Variants in INO80D observed in about 807,000 individuals in gnomAD.
The protein encoded by INO80D is INO80 complex subunit D.
INO80D carries 21 observed loss-of-function variants against 87.6 expected under a neutral mutation model. The ratio of observed to expected loss-of-function variants is 0.24; its 90% CI spans 0.17 to 0.35. The LOEUF (loss-of-function observed/expected upper bound fraction) is 0.35, where lower values mean the gene tolerates loss of function less well. Ranked by LOEUF, INO80D falls within the 10% of genes least tolerant of loss-of-function variation. The probability of loss-of-function intolerance (pLI) is 1.00; values close to 1 mark genes in which losing one functional copy is unlikely to be tolerated. For synonymous variants in INO80D, 440 were observed against 491.0 expected (o/e 0.90, Z 1.37); for missense variants, 982 against 1,280.7 (o/e 0.77, Z 3.56).
At position 206,025,541 on chromosome 2, in the gene INO80D, AAATAT is replaced by A. The variant is rs1349589324; in HGVS notation, c.1298+2565_1298+2569del. On this transcript the variant is annotated intron_variant, in intron 6 of 10. Coordinates refer to ENST00000403263, the MANE Select transcript of INO80D (RefSeq NM_017759.5). ...GAAACTCCATCTCAAAAAAAAAAAA[AAATAT>A]ATATATATATATATATATATATAAA... is the stretch of plus-strand genomic sequence containing the variant. The A allele has an allele frequency of 2.1e-4, 22 of 104,290 alleles. No homozygotes were observed. In the East Asian group the frequency reaches 4.6e-3, roughly 22 times the overall value. 6.5% of individuals were successfully genotyped at this position (104,290 alleles called of 1,614,324 possible).
At chr2:206,068,062 GT>G (rs1288968286) in intron 1 of INO80D, among the ~76,000 whole-genome samples, 1 of 152,084 alleles carries the variant, frequency 6.6e-6, no homozygotes, top group Non-Finnish European at 1.5e-5. Context: ...CCGTACTTCT[GT>G]TCCCAACTTT....
At chr2:206,015,415 C>A (rs190748542) in intron 8 of INO80D, among the ~76,000 whole-genome samples, 1 of 152,238 alleles carries the variant, frequency 6.6e-6, no homozygotes, top group African/African-American at 2.4e-5. Context: ...GGACTTGGTA[C>A]CCTGCATTCC....
At position 206,039,075 on chromosome 2, in the gene INO80D, G is replaced by A. The variant is rs1008005297; in HGVS notation, c.1073+7429C>T. ...CAAAGACCCCGAAGGTGGGACTTAC[G>A]ACATACAGAATATAAAAGTTGTGTA... On this transcript the variant is annotated intron_variant, in intron 5 of 10. Transcript: ENST00000403263. Among the ~76,000 whole-genome samples, 9 of 152,232 alleles carry A rather than the reference G, an allele frequency of 5.9e-5. 1 individual carries two copies. The South Asian group carries it at 1.7e-3, about 28-fold the overall frequency.
chr2:206,030,470 A>G (rs1177586538), intron 5 of INO80D, among the ~76,000 whole-genome samples: 1 of 151,970 alleles, frequency 6.6e-6, no homozygotes, highest in Non-Finnish European at 1.5e-5. Context: ...CTCAAAAAAA[A>G]AAAAGACTGC....
At chr2:206,036,013 G>T (rs1472965591) in intron 5 of INO80D, among the ~76,000 whole-genome samples, 4 of 151,854 alleles carry the variant, frequency 2.6e-5, no homozygotes, top group African/African-American at 9.7e-5. Context: ...TGATTTGCAG[G>T]GAAATGCAAA....
intron 1 of INO80D, among the ~76,000 whole-genome samples, chr2:206,065,065 G>C (rs1374187078): frequency 6.6e-6 from 1 of 152,096 alleles, no homozygotes; most frequent in East Asian, 1.9e-4. Flanking sequence ...CACCCCATAC[G>C]AAAATCAACT....
chr2:206,067,116 G>A (rs1178327780), intron 1 of INO80D, among the ~76,000 whole-genome samples: 1 of 150,452 alleles, frequency 6.6e-6, no homozygotes, highest in African/African-American at 2.4e-5. Context: ...GCATGGTGGT[G>A]GGGGCCTGTA....
intron 8 of INO80D, among the ~76,000 whole-genome samples, chr2:206,016,107 T>C (rs1055704096): frequency 1.3e-5 from 2 of 152,114 alleles, no homozygotes; most frequent in Non-Finnish European, 2.9e-5. Flanking sequence ...GCTTGCACCA[T>C]GCACCTGGAA....
At chr2:206,025,612 G>C (rs1019026559) in intron 6 of INO80D, 6 of 145,486 alleles carry the variant, frequency 4.1e-5, no homozygotes, top group African/African-American at 1.5e-4. Flanking sequence ...ATATGCAGTG[G>C]TTTTACAAGT....
intron 5 of INO80D, among the ~76,000 whole-genome samples, chr2:206,038,619 C>T (rs1192183755): frequency 2.0e-5 from 3 of 152,098 alleles, no homozygotes; most frequent in Non-Finnish European, 4.4e-5. Context: ...ATAGCTTAAA[C>T]CCAGGAGTTC....
Position 206,056,317 on chromosome 2 carries a change from C to T in INO80D, c.845G>A (p.Arg282Gln), listed in dbSNP as rs754577747. The change falls in exon 4 of 11, where the codon CGG (arginine) becomes CAG (glutamine). Residue 282 changes from arginine (R) to glutamine (Q), a missense_variant. Transcript: ENST00000403263. ...GAAGGCTGTGGCTTTCATGAGGATCCGGTCAGTCCTGGGTGGGTCCACAGT... is the reference window on the plus strand; with the variant it reads ...GAAGGCTGTGGCTTTCATGAGGATCTGGTCAGTCCTGGGTGGGTCCACAGT... ...APTVDPPRTD[R>Q]ILMKATAFSP... 1.5e-5 allele frequency: 25 copies of T among 1,613,956 alleles called. No individual in the cohort carries two copies. The highest frequency in any genetic ancestry group is 6.7e-5 in the East Asian group (3 of 44,886).
At chr2:206,047,502 A>T (rs1326074018) in intron 4 of INO80D, among the ~76,000 whole-genome samples, 5 of 152,304 alleles carry the variant, frequency 3.3e-5, no homozygotes, top group Non-Finnish European at 7.4e-5. Context: ...TACAGGCGTG[A>T]GCCACCACAT....
Position 206,062,733 on chromosome 2 carries a change from CAAGAA to C in INO80D, c.218+61_218+65del. 1 of 1,360,388 alleles carries C rather than the reference CAAGAA, an allele frequency of 7.4e-7. No individual in the cohort carries two copies. Among genetic ancestry groups the C allele is most frequent in the Admixed American group, 2.5e-5 (1 of 39,316 alleles). The allele number at this position is 1,360,388 out of a possible 1,614,324, so 84.3% of individuals were successfully genotyped here. A position where few individuals can be genotyped will look rare whatever the true frequency, so the allele number is the denominator to read the frequency against. On this transcript the variant is annotated intron_variant, in intron 3 of 10. Transcript: ENST00000403263. This position sits in a 1 kb window ranked among gnomAD's most constrained non-coding sequence, Gnocchi z 4.6. ...GGACAGAAGAAAAGAGAAGAAAAAA[CAAGAA>C]AAGAAAAAATTCCAAGCCTGTTAAT...
chr2:206,076,639 G>A (rs150358070), intron 1 of INO80D, among the ~76,000 whole-genome samples: 32 of 152,292 alleles, frequency 2.1e-4, no homozygotes, highest in African/African-American at 6.7e-4. Flanking sequence ...TGAATGTCTA[G>A]TATGTGCCAT....
At chr2:206,059,168 G>C (rs892617792) in intron 3 of INO80D, among the ~76,000 whole-genome samples, 1 of 152,094 alleles carries the variant, frequency 6.6e-6, no homozygotes, top group Non-Finnish European at 1.5e-5. Flanking sequence ...ATCACCTGAG[G>C]TCAGTAGTTT....
intron 1 of INO80D, among the ~76,000 whole-genome samples, chr2:206,079,201 T>G (rs1188098466): frequency 1.3e-5 from 2 of 152,028 alleles, no homozygotes; most frequent in Non-Finnish European, 2.9e-5. Flanking sequence ...GCCTCCTGAG[T>G]AGCTGGGACT....
In INO80D at chr2:206,005,607, T is replaced by C. The variant is rs1688002905; in HGVS notation, c.1919-74A>G. The C allele has an allele frequency of 5.1e-6, 6 of 1,171,688 alleles. No individual in the cohort carries two copies. The South Asian group carries it at 9.0e-5, about 18-fold the overall frequency. The allele number at this position is 1,171,688 out of a possible 1,614,324, so 72.6% of individuals were successfully genotyped here. ...ACATCACAAAAATCACACATTTGAA[T>C]TATTTTAAACAATATTCGATTTAAA... On this transcript the variant is annotated intron_variant, in intron 10 of 10. Coordinates refer to ENST00000403263, the MANE Select transcript of INO80D (RefSeq NM_017759.5).
chr2:206,046,549 T>C lies in INO80D; in HGVS notation c.1028A>G (p.Gln343Arg). The change falls in exon 5 of 11, where the codon CAG becomes CGG. Residue 343 changes from glutamine to arginine, a missense_variant. Physicochemically the swap from Gln to Arg is conservative, Grantham distance 43. Coordinates refer to ENST00000403263, the MANE Select transcript of INO80D (RefSeq NM_017759.5). ...GGTTTCCCGGATGGACCATGCAACC[T>C]GGTAGGGCGAGGCCTGCTCTGAGTC... is the stretch of plus-strand genomic sequence containing the variant. The part of the protein sequence containing the change: ...PEDSEQASPY[Q>R]VAWSIRETLR... 6.2e-7 allele frequency: 1 copy of C among 1,613,846 alleles called. No homozygotes were observed. The highest frequency in any genetic ancestry group is 1.7e-5 in the Admixed American group (1 of 60,012).
chr2:206,047,797 G>A (rs564449381), intron 4 of INO80D, among the ~76,000 whole-genome samples: 1 of 151,970 alleles, frequency 6.6e-6, no homozygotes, highest in African/African-American at 2.4e-5. Flanking sequence ...CCTTCCATGG[G>A]AAGATGGAAG....
Sources: gnomAD v4.1 joint callset for allele counts (sites outside exome capture counted in the v4.1 genomes callset) on GRCh38, gnomAD v4.1.1 for gene constraint, Gnocchi (gnomAD v3.1) non-coding constraint, MANE v1.5 for transcripts, NCBI Gene and HGNC (gene_info 2026-07-23, HGNC 2026-07-21) for gene names.